PSMD1: variants seen among roughly 807,000 people sequenced by gnomAD.
PSMD1 encodes the protein proteasome 26S subunit, non-ATPase 1, also known as 26S proteasome non-ATPase regulatory subunit 1.
A neutral mutation model predicts 119.0 loss-of-function variants in PSMD1; 18 were observed. The ratio of observed to expected loss-of-function variants is 0.15; its 90% confidence interval spans 0.10 to 0.22. The LOEUF is 0.22. Ranked by LOEUF, PSMD1 falls within the 10% of genes least tolerant of loss-of-function variation. PSMD1 has a pLI of 1.00. For synonymous variants in PSMD1, 374 were observed against 396.6 expected (o/e 0.94, Z 0.68); for missense variants, 702 against 1,158.5 (o/e 0.61, Z 5.72).
chr2:231,058,761 T>G (rs925643136), intron 1 of PSMD1, among the ~76,000 whole-genome samples: 2 of 152,074 alleles, frequency 1.3e-5, no homozygotes, highest in African/African-American at 4.8e-5. Context: ...ATATGTCAGT[T>G]TCTCTCCTAT....
At chr2:231,109,168 A>G (rs780952510) in intron 16 of PSMD1, 2 of 1,614,058 alleles carry the variant, frequency 1.2e-6, no homozygotes. Flanking sequence ...GGAAAACTGT[A>G]GACACAGTCA....
In PSMD1 at chr2:231,115,497, A is replaced by T. The variant is rs549684381; in HGVS notation, c.1884-23239A>T. ...ATGATTGGGACTTAGTTCTATGTTC[A>T]GCAGCTTCTTAAAAAGGGATTAAAG... On this transcript the variant is annotated intron_variant, in intron 16 of 24. Transcript: ENST00000308696. Among the ~76,000 whole-genome samples the T allele has an allele frequency of 1.6e-4, 25 of 152,302 alleles. No individual in the cohort carries two copies. The Middle Eastern group carries it at 0.01, about 62-fold the overall frequency.
intron 9 of PSMD1, among the ~76,000 whole-genome samples, chr2:231,078,399 T>G (rs1694218566): frequency 6.6e-6 from 1 of 152,200 alleles, no homozygotes; most frequent in Non-Finnish European, 1.5e-5. Context: ...AACCAAAGAA[T>G]AGAAAATCTG....
At chr2:231,139,176 G>A in intron 17 of PSMD1, 1 of 368,550 alleles carries the variant, frequency 2.7e-6, no homozygotes, top group Non-Finnish European at 5.3e-6. Flanking sequence ...CTTTCATCCA[G>A]GCTGGAGTGC....
At position 231,082,885 on chromosome 2, in the gene PSMD1, C is replaced by G; in HGVS notation, c.1416C>G (p.Ile472Met). ...TGGAATCTATGTTTTTTCCTTAGAT[C>G]GTTAGACACGGTGGCAGTCTGGGCC... ...LNQLKNASNDIVRHGGSLGLG... is the reference protein window; with the variant it reads ...LNQLKNASNDMVRHGGSLGLG... The change falls in exon 13 of 25, where the codon ATC (isoleucine) becomes ATG (methionine). Residue 472 changes from isoleucine (I) to methionine (M), a missense_variant and splice_region_variant. Around this residue, in one of 9 missense-constraint regions of PSMD1, gnomAD observed 272 missense variants for 511.6 expected, o/e 0.53. Transcript: ENST00000308696. The G allele has an allele frequency of 1.2e-6, 2 of 1,610,690 alleles. No homozygotes were observed. Among genetic ancestry groups the G allele is most frequent in the Non-Finnish European group, 1.7e-6 (2 of 1,177,436 alleles).
At chr2:231,082,253 A>G (rs1694326256) in intron 12 of PSMD1, among the ~76,000 whole-genome samples, 1 of 151,976 alleles carries the variant, frequency 6.6e-6, no homozygotes, top group South Asian at 2.1e-4. Flanking sequence ...TTTTGTACAG[A>G]CCGAGTCTCC....
chr2:231,103,712 T>A (rs1196790885), intron 16 of PSMD1, among the ~76,000 whole-genome samples: 1 of 152,224 alleles, frequency 6.6e-6, no homozygotes, highest in African/African-American at 2.4e-5. Context: ...TCATTTAGCT[T>A]TGTGACTGGA....
intron 22 of PSMD1, 69 bp from the exon 23 acceptor site, chr2:231,165,802 C>G (rs985276493): frequency 1.5e-5 from 20 of 1,345,088 alleles, no homozygotes; most frequent in Middle Eastern, 2.1e-4. Context: ...CAGTCAACTT[C>G]AGATGTTACT....
At chr2:231,088,450 A>AT (rs1283263972) in intron 16 of PSMD1, among the ~76,000 whole-genome samples, 2 of 152,192 alleles carry the variant, frequency 1.3e-5, no homozygotes, top group Non-Finnish European at 2.9e-5. Flanking sequence ...TACCAAAACC[A>AT]TTTTTCTAAC....
intron 16 of PSMD1, among the ~76,000 whole-genome samples, chr2:231,127,046 C>T (rs757010423): frequency 1.3e-5 from 2 of 151,930 alleles, no homozygotes; most frequent in South Asian, 2.1e-4. Flanking sequence ...CACGCACAGA[C>T]GTATACACAC....
At chr2:231,065,747 T>G (rs904703042) in intron 4 of PSMD1, among the ~76,000 whole-genome samples, 43 of 152,322 alleles carry the variant, frequency 2.8e-4, no homozygotes, top group African/African-American at 9.6e-4. Flanking sequence ...TTGATATCCT[T>G]CAGTATGTCA....
In PSMD1 at chr2:231,075,425, A is replaced by G. The variant is rs78175731; in HGVS notation, c.882-86A>G. 4,851 of 1,226,906 alleles carry G rather than the reference A, an allele frequency of 4.0e-3. 155 individuals carry two copies. The African/African-American group carries it at 0.066, about 17-fold the overall frequency. The allele number at this position is 1,226,906 out of a possible 1,614,324, so 76.0% of individuals were successfully genotyped here. On this transcript the variant is annotated intron_variant, in intron 7 of 24. Coordinates refer to ENST00000308696, the MANE Select transcript of PSMD1 (RefSeq NM_002807.4). The stretch of plus-strand genomic sequence containing the variant: ...TTAGTAAACATTATTTTCTTGCAAA[A>G]TATTCAATTTGGACATGGTTCAGAT...
At chr2:231,085,157 G>A in intron 15 of PSMD1, 43 bp downstream of exon 15, 3 of 1,503,976 alleles carry the variant, frequency 2.0e-6, no homozygotes, top group South Asian at 2.3e-5. Context: ...GGACGGAAAA[G>A]CTTGCAGATG....
intron 18 of PSMD1, among the ~76,000 whole-genome samples, chr2:231,151,513 ATTAG>A (rs1247222596): frequency 1.3e-5 from 2 of 152,212 alleles, no homozygotes; most frequent in Non-Finnish European, 2.9e-5. Context: ...TCTATTTAAT[ATTAG>A]TTAGATAAGC....
At chr2:231,087,059 C>G in intron 15 of PSMD1, 58 bp from the exon 16 acceptor site, 1 of 1,422,262 alleles carries the variant, frequency 7.0e-7, no homozygotes, top group Non-Finnish European at 9.9e-7. Context: ...CCTCTCATGT[C>G]AGTTTGGTCT....
chr2:231,153,127 C>T (rs1035454009), intron 18 of PSMD1, among the ~76,000 whole-genome samples: 1 of 152,164 alleles, frequency 6.6e-6, no homozygotes, highest in Non-Finnish European at 1.5e-5. Context: ...AGATACCTCA[C>T]ACAGCTTTGG....
chr2:231,142,451 T>G (rs1696146929), intron 17 of PSMD1, among the ~76,000 whole-genome samples: 2 of 152,318 alleles, frequency 1.3e-5, no homozygotes, highest in South Asian at 2.1e-4. Context: ...TTAGATTCTT[T>G]TTTCTTTTCA....
At chr2:231,160,709 T>C (rs1414419794) in intron 19 of PSMD1, among the ~76,000 whole-genome samples, 3 of 152,176 alleles carry the variant, frequency 2.0e-5, no homozygotes, top group Non-Finnish European at 4.4e-5. Flanking sequence ...GCATCACAGT[T>C]TTGATACCCT....
intron 16 of PSMD1, among the ~76,000 whole-genome samples, chr2:231,109,639 A>G (rs1695087726): frequency 6.6e-6 from 1 of 152,246 alleles, no homozygotes; most frequent in South Asian, 2.1e-4. Flanking sequence ...CAGATTTATA[A>G]TGAAAGCTCC....
Sources: allele counts gnomAD v4.1 joint callset (sites outside exome capture counted in the v4.1 genomes callset), GRCh38; gene constraint gnomAD v4.1.1; regional missense constraint gnomAD v4.1.1; transcripts MANE v1.5; gene names NCBI Gene and HGNC (gene_info 2026-07-23, HGNC 2026-07-21).